The following FRAS1 variants were observed in gnomAD, a reference collection of about 807,000 sequenced individuals.
FRAS1 encodes extracellular matrix organizing protein FRAS1.
In FRAS1, 290 loss-of-function variants were observed where a neutral mutation model predicts 435.2. The observed-to-expected ratio is 0.67, with a 90% CI of 0.61 to 0.73. FRAS1 has a LOEUF of 0.73. Ranked by LOEUF, FRAS1 falls within the 30% of genes least tolerant of loss-of-function variation. The pLI is 0.00. For synonymous variants in FRAS1, 1,800 were observed against 1,851.0 expected (o/e 0.97, Z 0.71); for missense variants, 4,860 against 5,001.5 (o/e 0.97, Z 0.85).
At chr4:78,275,929 C>T (rs558878404) in intron 9 of FRAS1, among the ~76,000 whole-genome samples, 1 of 152,340 alleles carries the variant, frequency 6.6e-6, no homozygotes, top group Admixed American at 6.5e-5. Context: ...TGGTTCCATT[C>T]TCCCCGTCAC....
Position 78,282,944 on chromosome 4 carries a change from A to C in FRAS1, c.1232A>C (p.Gln411Pro). Reference sequence around the variant, plus strand: ...ACACTGGCCTTAGAGGTGAAGGGACAGTGCTGTCCAGACTGCACATCAGGT... The same window carrying C: ...ACACTGGCCTTAGAGGTGAAGGGACCGTGCTGTCCAGACTGCACATCAGGT... ...VGTLALEVKG[Q>P]CCPDCTSVHC... is the part of the protein sequence containing the mutation. Residue 411 changes from glutamine to proline, a missense_variant, in exon 12 of 74, where the codon CAG (glutamine) becomes CCG (proline). Physicochemically the swap from Gln to Pro is moderately conservative, Grantham distance 76. Transcript: ENST00000512123. 2 of 1,587,192 alleles carry C rather than the reference A, an allele frequency of 1.3e-6. No homozygotes were observed. Among genetic ancestry groups the C allele is most frequent in the Non-Finnish European group, 1.7e-6 (2 of 1,168,800 alleles).
intron 28 of FRAS1, among the ~76,000 whole-genome samples, chr4:78,385,729 A>G (rs1393788957): frequency 3.3e-5 from 5 of 152,100 alleles, no homozygotes; most frequent in Non-Finnish European, 7.4e-5. Flanking sequence ...TACTGAAAAT[A>G]CAAAAATTAG....
intron 20 of FRAS1, among the ~76,000 whole-genome samples, chr4:78,342,317 C>T (rs971682949): frequency 6.6e-6 from 1 of 152,158 alleles, no homozygotes; most frequent in Non-Finnish European, 1.5e-5. Flanking sequence ...GTAAACCCAT[C>T]CTGGGAGCAG....
At chr4:78,455,809 C>G (rs1350375792) in intron 47 of FRAS1, among the ~76,000 whole-genome samples, 1 of 152,164 alleles carries the variant, frequency 6.6e-6, no homozygotes, top group Non-Finnish European at 1.5e-5. Flanking sequence ...CAGGGTTTCC[C>G]TCTATCAGTA....
At chr4:78,229,501 A>G (rs768560242) in intron 2 of FRAS1, among the ~76,000 whole-genome samples, 2 of 152,108 alleles carry the variant, frequency 1.3e-5, no homozygotes, top group Non-Finnish European at 2.9e-5. Flanking sequence ...GGGTGGGAGT[A>G]TGCTGTTGCA....
chr4:78,442,051 A>T (rs1442496607), intron 41 of FRAS1, among the ~76,000 whole-genome samples: 1 of 152,222 alleles, frequency 6.6e-6, no homozygotes, highest in East Asian at 1.9e-4. Context: ...ATTGGTGTGC[A>T]GCTAGCAGCT....
intron 14 of FRAS1, 65 bp from the exon 15 acceptor site, chr4:78,308,001 A>G (rs1728856614): frequency 1.3e-6 from 2 of 1,487,728 alleles, no homozygotes; most frequent in Non-Finnish European, 1.8e-6. Context: ...AAAATATTTA[A>G]AAGAAAAATG....
intron 1 of FRAS1, among the ~76,000 whole-genome samples, chr4:78,059,698 G>A (rs1465183955): frequency 6.6e-6 from 1 of 151,880 alleles, no homozygotes; most frequent in African/African-American, 2.4e-5. Context: ...TCACCAGGGG[G>A]CAGTTGGAAT....
At position 78,252,454 on chromosome 4, in the gene FRAS1, A is replaced by G. The variant is rs777257555; in HGVS notation, c.372A>G (p.Arg124=). Residue 124 remains arginine (R), a synonymous_variant, in exon 5 of 74, where the codon CGA becomes CGG. Transcript: ENST00000512123. The part of the protein sequence containing the change: ...SVCSCNHGEV[R]CTPQPCPPLS... ...GCTCTTGCAATCATGGGGAAGTCCGATGTACCCCCCAACCATGCCCACCGC... is the reference window on the plus strand; with the variant it reads ...GCTCTTGCAATCATGGGGAAGTCCGGTGTACCCCCCAACCATGCCCACCGC... 3.1e-6 allele frequency: 5 copies of G among 1,613,272 alleles called. No homozygotes were observed. Among genetic ancestry groups the G allele is most frequent in the South Asian group, 1.1e-5 (1 of 91,048 alleles).
intron 6 of FRAS1, among the ~76,000 whole-genome samples, chr4:78,256,165 T>C (rs890677991): frequency 1.3e-5 from 2 of 152,142 alleles, no homozygotes; most frequent in African/African-American, 2.4e-5. Context: ...ATTGTGACAA[T>C]TGGGCAATAT....
intron 2 of FRAS1, among the ~76,000 whole-genome samples, chr4:78,096,845 T>C (rs1380306942): frequency 6.6e-6 from 1 of 152,228 alleles, no homozygotes; most frequent in African/African-American, 2.4e-5. Context: ...CCTGGAGACA[T>C]CTTCCCCATT....
intron 14 of FRAS1, among the ~76,000 whole-genome samples, chr4:78,301,037 G>A (rs1728368337): frequency 6.6e-6 from 1 of 152,186 alleles, no homozygotes; most frequent in Non-Finnish European, 1.5e-5. Context: ...ACTTGCTTGT[G>A]CAATTTAGAA....
In FRAS1 at chr4:78,537,053, C is replaced by T; in HGVS notation, c.11151C>T (p.Tyr3717=). ...CAGAACAAAATCTTAATTCTGCTTACAAACTCCAGCTGGAGAAAGTCTATC... is the reference window on the plus strand; with the variant it reads ...CAGAACAAAATCTTAATTCTGCTTATAAACTCCAGCTGGAGAAAGTCTATC... The part of the protein sequence containing the change: ...WNPEQNLNSA[Y]KLQLEKVYLC... The change falls in exon 72 of 74, where the codon TAC becomes TAT. Residue 3717 remains tyrosine, a synonymous_variant. Coordinates refer to ENST00000512123, the MANE Select transcript of FRAS1 (RefSeq NM_025074.7). 1 of 1,614,022 alleles carries T rather than the reference C, an allele frequency of 6.2e-7. No individual in the cohort carries two copies.
chr4:78,290,424 G>T (rs1038802647), intron 14 of FRAS1, among the ~76,000 whole-genome samples: 5 of 151,866 alleles, frequency 3.3e-5, no homozygotes, highest in African/African-American at 1.2e-4. Context: ...AAACCACCTG[G>T]ACCACCTGGT....
chr4:78,388,655 T>A (rs62309930), intron 29 of FRAS1, among the ~76,000 whole-genome samples: 1 of 125,794 alleles, frequency 7.9e-6, no homozygotes, highest in Non-Finnish European at 1.7e-5. Context: ...TTTTTTTTTT[T>A]AAATTAGCTG....
intron 2 of FRAS1, among the ~76,000 whole-genome samples, chr4:78,222,823 C>A (rs139036089): frequency 6.6e-6 from 1 of 152,162 alleles, no homozygotes; most frequent in Non-Finnish European, 1.5e-5. Flanking sequence ...TTTTATTCAG[C>A]CAATTGACTA....
At chr4:78,276,398 T>C (rs1368922615) in intron 9 of FRAS1, among the ~76,000 whole-genome samples, 1 of 152,238 alleles carries the variant, frequency 6.6e-6, no homozygotes, top group East Asian at 1.9e-4. Flanking sequence ...GCTCTGATTT[T>C]TAAAATTTTC....
chr4:78,236,707 G>A (rs1470213806), intron 2 of FRAS1, among the ~76,000 whole-genome samples: 3 of 152,204 alleles, frequency 2.0e-5, no homozygotes, highest in African/African-American at 7.2e-5. Context: ...CAACTGAAAT[G>A]TGGATTCAGC....
chr4:78,105,028 T>C (rs1441415546), intron 2 of FRAS1, among the ~76,000 whole-genome samples: 1 of 152,210 alleles, frequency 6.6e-6, no homozygotes, highest in East Asian at 1.9e-4. Flanking sequence ...TTTGGTTTCC[T>C]TTCCAGGGTT....
Sources: allele counts gnomAD v4.1 joint callset (sites outside exome capture counted in the v4.1 genomes callset), GRCh38; gene constraint gnomAD v4.1.1; transcripts MANE v1.5; gene names NCBI Gene and HGNC (gene_info 2026-07-23, HGNC 2026-07-21).